The following FRMD4A variants were observed in gnomAD, a reference collection of about 807,000 sequenced individuals.
FRMD4A encodes FERM domain-containing protein 4A.
Under a neutral mutation model 129.1 loss-of-function variants are expected in FRMD4A, and 29 were observed. The ratio of observed to expected loss-of-function variants is 0.22; its 90% CI spans 0.17 to 0.31. The LOEUF (loss-of-function observed/expected upper bound fraction) is 0.31, where lower values mean the gene tolerates loss of function less well. FRMD4A is among the 10% of genes least tolerant of loss of function. The pLI, the probability that FRMD4A is intolerant of heterozygous loss-of-function variation, is 1.00. For missense variants in FRMD4A, 1,272 were observed against 1,375.8 expected (o/e 0.92, Z 1.19); for synonymous variants, 634 against 571.6 (o/e 1.11, Z -1.56).
At chr10:14,130,058 G>A (rs1031019773) in intron 2 of FRMD4A, among the ~76,000 whole-genome samples, 3 of 152,084 alleles carry the variant, frequency 2.0e-5, no homozygotes, top group South Asian at 2.1e-4. Flanking sequence ...GCGCTTGCGG[G>A]CCTGCTTTGC....
At chr10:13,854,978 G>A (rs1013010859) in intron 3 of FRMD4A, among the ~76,000 whole-genome samples, 1 of 152,112 alleles carries the variant, frequency 6.6e-6, no homozygotes, top group Non-Finnish European at 1.5e-5. Context: ...AATTGCCTGT[G>A]GATTTAGGGA....
chr10:13,765,101 A>ATT (rs10708906), intron 6 of FRMD4A, among the ~76,000 whole-genome samples: 49 of 125,292 alleles, frequency 3.9e-4, no homozygotes, highest in Non-Finnish European at 5.5e-4. Context: ...TCAAGGATTG[A>ATT]TTTTTTTTTT....
chr10:14,023,780 G>T (rs1832867580), intron 2 of FRMD4A, among the ~76,000 whole-genome samples: 1 of 152,176 alleles, frequency 6.6e-6, no homozygotes, highest in Admixed American at 6.5e-5. Flanking sequence ...CTTGTCAGCT[G>T]CTCTTTTCTT....
At chr10:14,123,566 A>G (rs1838657850) in intron 2 of FRMD4A, among the ~76,000 whole-genome samples, 1 of 152,188 alleles carries the variant, frequency 6.6e-6, no homozygotes, top group Admixed American at 6.5e-5. Flanking sequence ...GCAGTCCCCC[A>G]TCTTTGTTTC....
intron 2 of FRMD4A, chr10:14,008,088 C>A: frequency 7.7e-7 from 1 of 1,301,348 alleles, no homozygotes; most frequent in Non-Finnish European, 1.0e-6. Flanking sequence ...TCTCAGAGAT[C>A]CATAAGGAAT....
At chr10:14,297,335 C>T (rs1017697582) in intron 2 of FRMD4A, among the ~76,000 whole-genome samples, 21 of 152,168 alleles carry the variant, frequency 1.4e-4, no homozygotes, top group African/African-American at 4.6e-4. Context: ...CATCCTTATT[C>T]CTGCAGCTCT....
At chr10:14,180,657 C>A (rs531902028) in intron 2 of FRMD4A, among the ~76,000 whole-genome samples, 1 of 152,180 alleles carries the variant, frequency 6.6e-6, no homozygotes, top group South Asian at 2.1e-4. Flanking sequence ...TGTTATGCAG[C>A]CAATGGATAC....
rs1005289875 is a variant in FRMD4A at position 13,883,926 on chromosome 10, C to G, written c.46-25014G>C. Among the ~76,000 whole-genome samples the G allele has an allele frequency of 3.3e-5, 5 of 152,278 alleles. No homozygotes were observed. In the South Asian group the frequency reaches 1.0e-3, roughly 32 times the overall value. ...TGCTGCCTGTGTGTGCCTGTTTAAT[C>G]AGTCTCCAGAAGACAGATGATCTCT... On this transcript the variant is annotated intron_variant, in intron 2 of 24. Transcript: ENST00000357447.
intron 3 of FRMD4A, among the ~76,000 whole-genome samples, chr10:13,851,170 C>T (rs993201148): frequency 2.6e-5 from 4 of 152,164 alleles, no homozygotes; most frequent in East Asian, 1.9e-4. Context: ...GCAGAGATCA[C>T]GTCACTGCAC....
chr10:13,814,630 GAAA>G (rs1187607399), intron 3 of FRMD4A, among the ~76,000 whole-genome samples: 4 of 112,306 alleles, frequency 3.6e-5, no homozygotes, highest in Non-Finnish European at 1.9e-5. Flanking sequence ...AAGAGAGAGA[GAAA>G]AAAAAGAAAG....
At position 14,232,647 on chromosome 10, in the gene FRMD4A, G is replaced by A. The variant is rs1158873208; in HGVS notation, c.45+97411C>T. On this transcript the variant is annotated intron_variant, in intron 2 of 24. Transcript: ENST00000357447. Reference sequence around the variant, plus strand: ...TTGTAGAGATCTTTCAGCCTCCCTGGTTAGCTGTATTGCTAGATTTTTTAT... The same window carrying A: ...TTGTAGAGATCTTTCAGCCTCCCTGATTAGCTGTATTGCTAGATTTTTTAT... Among the ~76,000 whole-genome samples, 3 of 152,278 alleles carry A rather than the reference G, an allele frequency of 2.0e-5. No homozygotes were observed. The East Asian group carries it at 5.8e-4, about 29-fold the overall frequency.
chr10:14,175,682 G>A (rs1224581728), intron 2 of FRMD4A, among the ~76,000 whole-genome samples: 2 of 151,912 alleles, frequency 1.3e-5, no homozygotes, highest in African/African-American at 4.8e-5. Flanking sequence ...GCACCACCAT[G>A]CCCAACTAAT....
intron 2 of FRMD4A, among the ~76,000 whole-genome samples, chr10:14,264,394 T>C (rs1267497418): frequency 6.6e-6 from 1 of 152,222 alleles, no homozygotes; most frequent in Non-Finnish European, 1.5e-5. Context: ...TTTAAAGCCA[T>C]CATTCTAAAA....
chr10:14,024,394 T>C (rs1170158741), intron 2 of FRMD4A, among the ~76,000 whole-genome samples: 1 of 152,174 alleles, frequency 6.6e-6, no homozygotes, highest in Non-Finnish European at 1.5e-5. Flanking sequence ...CAGCTCAAAG[T>C]CTTCCAGCTT....
chr10:13,841,911 A>G (rs183992073), intron 3 of FRMD4A, among the ~76,000 whole-genome samples: 1 of 152,318 alleles, frequency 6.6e-6, no homozygotes, highest in African/African-American at 2.4e-5. Context: ...ACTGAGAGCT[A>G]TCTTGTTGGG....
At chr10:13,789,558 C>CCACACACACACACACA (rs3220780) in intron 5 of FRMD4A, among the ~76,000 whole-genome samples, 1 of 144,696 alleles carries the variant, frequency 6.9e-6, no homozygotes, top group African/African-American at 2.6e-5. Flanking sequence ...TATGAAAAGA[C>CCACACACACACACACA]CACACACACA....
chr10:14,046,680 AATG>A (rs1834002817), intron 2 of FRMD4A, among the ~76,000 whole-genome samples: 1 of 152,118 alleles, frequency 6.6e-6, no homozygotes, highest in Non-Finnish European at 1.5e-5. Flanking sequence ...GTTTGTTCAG[AATG>A]ATGATCAAAC....
chr10:13,955,710 C>T (rs1220331289), intron 2 of FRMD4A, among the ~76,000 whole-genome samples: 2 of 152,234 alleles, frequency 1.3e-5, no homozygotes, highest in Non-Finnish European at 2.9e-5. Flanking sequence ...AGTGCCCTGC[C>T]GGGGTCTACT....
rs1378323515 is a variant in FRMD4A, at chr10:13,970,431, AG to A, written c.46-111520del. On this transcript the variant is annotated intron_variant, in intron 2 of 24. Coordinates refer to ENST00000357447, the MANE Select transcript of FRMD4A (RefSeq NM_018027.5). ...CTGAAAGTCCAGACATTCCAGGAGG[AG>A]GGGTGGAGCGAGGGGACGGGTGGTT... Among the ~76,000 whole-genome samples the A allele has an allele frequency of 2.6e-5, 4 of 152,158 alleles. No homozygotes were observed. The East Asian group carries it at 7.7e-4, about 29-fold the overall frequency.
Sources: allele counts gnomAD v4.1 joint callset (sites outside exome capture counted in the v4.1 genomes callset), GRCh38; gene constraint gnomAD v4.1.1; transcripts MANE v1.5; gene names NCBI Gene and HGNC (gene_info 2026-07-23, HGNC 2026-07-21).